The following ART5 variants were observed in gnomAD, a reference collection of about 807,000 sequenced individuals.
ART5 encodes ADP-ribosyltransferase 5, also known as ecto-ADP-ribosyltransferase 5.
Under a neutral mutation model 25.0 loss-of-function variants are expected in ART5, and 22 were observed. The observed-to-expected ratio is 0.88, with a 90% CI of 0.63 to 1.26. The LOEUF is 1.26. Ranked by LOEUF, ART5 falls within the 50% of genes most tolerant of loss-of-function variation. ART5 has a pLI of 0.00. For synonymous variants in ART5, 161 were observed against 154.8 expected, an observed-to-expected ratio of 1.04 and a Z score of -0.30; for missense variants, 402 against 372.8, an observed-to-expected ratio of 1.08 and a Z score of -0.64.
chr11:3,640,812 G>T (rs967811939), intron 1 of ART5, among the ~76,000 whole-genome samples: 2 of 152,202 alleles, frequency 1.3e-5, no homozygotes, highest in Non-Finnish European at 2.9e-5. Flanking sequence ...CACGATCTTG[G>T]CTCACTGCAA....
chr11:3,642,310 AC>A (rs2077417689), upstream of ART5: 1 of 1,004,524 alleles, frequency 1.0e-6, no homozygotes, highest in East Asian at 1.0e-4. Context: ...CGCGCTGGTA[AC>A]CCGACACCCC....
At position 3,639,763 on chromosome 11, in the gene ART5, C is replaced by T. The variant is rs752987241; in HGVS notation, c.666G>A (p.Val222=). 4.8e-5 allele frequency: 77 copies of T among 1,614,026 alleles called. No individual in the cohort carries two copies. In the Admixed American group the frequency reaches 1.3e-3, roughly 27 times the overall value. The change falls in exon 2 of 4, where the codon GTG becomes GTA. Residue 222 remains valine (V), a synonymous_variant. Transcript: ENST00000397068. ...AAAAGACTTCATGGGGGGGAATCAG[C>T]ACCTCGCGCTCCTTGGGAAAGACAG... The part of the protein sequence containing the change: ...AFSVFPKERE[V]LIPPHEVFLV...
upstream of ART5, chr11:3,642,127 GC>G (rs1170786203): frequency 2.9e-5 from 39 of 1,324,832 alleles, no homozygotes; most frequent in Non-Finnish European, 9.6e-7. Flanking sequence ...TAAAGGCGGG[GC>G]CGCAGTTTGG....
upstream of ART5, chr11:3,642,199 A>C (rs2077414117): frequency 1.7e-6 from 2 of 1,161,798 alleles, no homozygotes; most frequent in Non-Finnish European, 2.1e-6. Context: ...GGAAGCCGCC[A>C]GCGGGAGGGA....
chr11:3,639,064 G>T (rs995092390), intron 2 of ART5, 29 bp from the exon 3 acceptor site: 1 of 1,550,084 alleles, frequency 6.5e-7, no homozygotes, highest in Non-Finnish European at 8.7e-7. Context: ...TGAGGCCTCC[G>T]CGTGGACAGA....
rs1262374892 is a variant in ART5 at position 3,641,817 on chromosome 11, G to A, written c.46C>T (p.His16Tyr). ...LMIALGSLGL[H>Y]TWQAQAVPIL... is the part of the protein sequence containing the mutation. ...GTTCCTGGAGTTACCTGCCAGGTGT[G>A]GAGGCCGAGGCTGCCGAGGGCGATC... The change falls in exon 1 of 4, where the codon CAC becomes TAC. Residue 16 changes from histidine to tyrosine, a missense_variant. Coordinates refer to ENST00000397068, the MANE Select transcript of ART5 (RefSeq NM_053017.5). 2 of 1,578,252 alleles carry A rather than the reference G, an allele frequency of 1.3e-6. No homozygotes were observed. The highest frequency in any genetic ancestry group is 1.3e-5 in the African/African-American group (1 of 74,732).
In ART5 at chr11:3,638,730, C is replaced by T. The variant is rs758265805; in HGVS notation, c.*8G>A. ...CTAGGGCTGGGTCCGGAACCATGTT[C>T]TTGCTTCTCAAGGCTGCTGGAGGTG... On this transcript the variant is annotated 3_prime_UTR_variant, in exon 4 of 4. Transcript: ENST00000397068. The T allele has an allele frequency of 3.1e-6, 5 of 1,614,176 alleles. No homozygotes were observed. In the South Asian group the frequency reaches 5.5e-5, roughly 18 times the overall value.
chr11:3,641,780 G>A, intron 1 of ART5, 26 bp downstream of exon 1: 1 of 1,566,754 alleles, frequency 6.4e-7, no homozygotes, highest in South Asian at 1.2e-5. Context: ...TCCCCCTTGG[G>A]GCTAGGAGAT....
In ART5 at chr11:3,638,984, G is replaced by A; in HGVS notation, c.820+19C>T. ...AGGGGGAGTCAAAGCAGCTGAAGGA[G>A]GATGGAAGGGCAACTCACCTGGCGC... On this transcript the variant is annotated intron_variant, in intron 3 of 3. Transcript: ENST00000397068. The A allele has an allele frequency of 6.4e-7, 1 of 1,558,562 alleles. No individual in the cohort carries two copies. The highest frequency in any genetic ancestry group is 2.4e-5 in the East Asian group (1 of 41,320).
intron 2 of ART5, 61 bp from the exon 3 acceptor site, chr11:3,639,096 C>T (rs960384685): frequency 6.5e-7 from 1 of 1,533,198 alleles, no homozygotes; most frequent in Non-Finnish European, 8.8e-7. Context: ...ACTGCCTGGC[C>T]CACCAGGCCC....
At position 3,639,496 on chromosome 11, in the gene ART5, A is replaced by C. The variant is rs115361794; in HGVS notation, c.787+146T>G. ...TAGGACCCCAAAAAACCTGAGTCAC[A>C]GAGGACAGCAACTCCAGCTGACTTC... On this transcript the variant is annotated intron_variant, in intron 2 of 3. Transcript: ENST00000397068. 1,581 of 1,212,524 alleles carry C rather than the reference A, an allele frequency of 1.3e-3. 18 individuals carry two copies. The African/African-American group carries it at 0.022, about 17-fold the overall frequency. The allele number at this position is 1,212,524 out of a possible 1,614,324, so 75.1% of individuals were successfully genotyped here.
At chr11:3,640,411 G>A in intron 1 of ART5, 40 bp from the exon 2 acceptor site, 1 of 1,539,626 alleles carries the variant, frequency 6.5e-7, no homozygotes, top group East Asian at 2.3e-5. Context: ...AAGAGCATAA[G>A]TTCAGAGCAC....
At chr11:3,642,220 C>T, upstream of ART5, 3 of 1,151,096 alleles carry the variant, frequency 2.6e-6, no homozygotes, top group South Asian at 2.7e-5. Context: ...GCGCCGAGGG[C>T]TCTGGCGGGC....
Position 3,641,954 on chromosome 11 carries a change from A to G in ART5, c.-92T>C. 4 of 1,512,566 alleles carry G rather than the reference A, an allele frequency of 2.6e-6. No homozygotes were observed. The highest frequency in any genetic ancestry group is 3.5e-6 in the Non-Finnish European group (4 of 1,128,932). 93.7% of individuals were successfully genotyped at this position (1,512,566 alleles called of 1,614,324 possible). On this transcript the variant is annotated 5_prime_UTR_variant, in exon 1 of 4. Coordinates refer to ENST00000397068, the MANE Select transcript of ART5 (RefSeq NM_053017.5). ...TTCGAGGGGCTGGAGGCAGATCTGGACCCTGTCTCCAGGCGCACGGGATCC... is the reference window on the plus strand; with the variant it reads ...TTCGAGGGGCTGGAGGCAGATCTGGGCCCTGTCTCCAGGCGCACGGGATCC...
chr11:3,639,562 GC>G, intron 2 of ART5, 79 bp downstream of exon 2: 1 of 1,509,898 alleles, frequency 6.6e-7, no homozygotes. Context: ...TCTCCCGAAG[GC>G]CCCGGGGATT....
At chr11:3,642,068 C>A, upstream of ART5, 1 of 1,419,690 alleles carries the variant, frequency 7.0e-7, no homozygotes, top group South Asian at 1.5e-5. Flanking sequence ...CCCCCGACTC[C>A]CCACACCCCT....
At chr11:3,640,477 C>T in intron 1 of ART5, 106 bp from the exon 2 acceptor site, 3 of 1,376,038 alleles carry the variant, frequency 2.2e-6, no homozygotes, top group Non-Finnish European at 2.9e-6. Context: ...CATTTCTATC[C>T]CTAAATATCA....
Position 3,640,016 on chromosome 11 carries a change from A to G in ART5, c.413T>C (p.Ile138Thr), listed in dbSNP as rs2133927035. Residue 138 changes from isoleucine to threonine, a missense_variant, in exon 2 of 4, where the codon ATC (isoleucine) becomes ACC (threonine). By Grantham distance (89) the Ile-to-Thr change is moderately conservative. Transcript: ENST00000397068. Reference protein sequence around the residue: ...FPFKALHFYLIRALQLLRGSG... With the variant: ...FPFKALHFYLTRALQLLRGSG... ...GCCTCGCAGCAGCTGCAGGGCCCGGATCAGGTAGAAATGCAGGGCCTTGAA... is the reference window on the plus strand; with the variant it reads ...GCCTCGCAGCAGCTGCAGGGCCCGGGTCAGGTAGAAATGCAGGGCCTTGAA... 1 of 1,614,136 alleles carries G rather than the reference A, an allele frequency of 6.2e-7. No homozygotes were observed. The highest frequency in any genetic ancestry group is 1.1e-5 in the South Asian group (1 of 91,086).
At chr11:3,640,396 C>A in intron 1 of ART5, 25 bp from the exon 2 acceptor site, 1 of 1,559,360 alleles carries the variant, frequency 6.4e-7, no homozygotes, top group Non-Finnish European at 8.6e-7. Context: ...AGGTGCCACA[C>A]CGAAAAGAGC....
Sources: allele counts gnomAD v4.1 joint callset (sites outside exome capture counted in the v4.1 genomes callset), GRCh38; gene constraint gnomAD v4.1.1; transcripts MANE v1.5; gene names NCBI Gene and HGNC (gene_info 2026-07-23, HGNC 2026-07-21).